The following ST8SIA6 variants were observed in gnomAD, a reference collection of about 807,000 sequenced individuals.
The protein encoded by ST8SIA6 is ST8 alpha-N-acetyl-neuraminide alpha-2,8-sialyltransferase 6, also known as alpha-2,8-sialyltransferase 8F.
A neutral mutation model predicts 33.6 loss-of-function variants in ST8SIA6; 39 were observed. The ratio of observed to expected loss-of-function variants is 1.16; its 90% confidence interval spans 0.90 to 1.52. ST8SIA6 has a LOEUF of 1.52. Among genes scored for constraint, ST8SIA6 ranks in the 40% most tolerant of loss-of-function variants. The pLI is 0.00. For missense variants in ST8SIA6, 441 were observed against 443.8 expected (o/e 0.99, Z 0.06); for synonymous variants, 172 against 167.2 (o/e 1.03, Z -0.22).
intron 3 of ST8SIA6, among the ~76,000 whole-genome samples, chr10:17,377,593 G>A (rs1215360104): frequency 6.6e-6 from 1 of 152,086 alleles, no homozygotes; most frequent in Non-Finnish European, 1.5e-5. Context: ...AAAGAATTAT[G>A]GCACAAAAGA....
chr10:17,444,952 T>A (rs2131742653), intron 2 of ST8SIA6, among the ~76,000 whole-genome samples: 1 of 152,308 alleles, frequency 6.6e-6, no homozygotes. Context: ...ATTCTGAATT[T>A]TTAAAATCAG....
In ST8SIA6 at chr10:17,337,039, G is replaced by C. The variant is rs1015816740; in HGVS notation, c.378-5487C>G. ...TAATCCCGTGTTGGAGGAGGGGCCC[G>C]GTGGGAGGTGACTGGATCATGGGGG... is the stretch of plus-strand genomic sequence containing the variant. On this transcript the variant is annotated intron_variant, in intron 4 of 7. Coordinates refer to ENST00000377602, the MANE Select transcript of ST8SIA6 (RefSeq NM_001004470.3). Among the ~76,000 whole-genome samples, 4 of 152,114 alleles carry C rather than the reference G, an allele frequency of 2.6e-5. No individual in the cohort carries two copies. The South Asian group carries it at 8.3e-4, about 32-fold the overall frequency.
At chr10:17,378,122 G>C (rs1030929760) in intron 3 of ST8SIA6, among the ~76,000 whole-genome samples, 13 of 152,166 alleles carry the variant, frequency 8.5e-5, no homozygotes, top group African/African-American at 3.1e-4. Context: ...AAAGGTCTTA[G>C]CACCAAAAAC....
intron 2 of ST8SIA6, among the ~76,000 whole-genome samples, chr10:17,441,278 T>G (rs1852480352): frequency 6.6e-6 from 1 of 151,138 alleles, no homozygotes; most frequent in African/African-American, 2.4e-5. Flanking sequence ...CTTCTGTGTA[T>G]AGTGTAAGGT....
chr10:17,449,311 G>T (rs75910708), intron 2 of ST8SIA6, among the ~76,000 whole-genome samples: 125 of 152,082 alleles, frequency 8.2e-4, no homozygotes, highest in African/African-American at 2.9e-3. Context: ...TCCAAGAGCT[G>T]GTTATTTAAA....
At chr10:17,359,919 A>G (rs577158532) in intron 3 of ST8SIA6, among the ~76,000 whole-genome samples, 26 of 152,328 alleles carry the variant, frequency 1.7e-4, no homozygotes, top group African/African-American at 6.0e-4. Flanking sequence ...ATATATATTT[A>G]TAGATGTTTT....
intron 2 of ST8SIA6, among the ~76,000 whole-genome samples, chr10:17,420,285 G>A (rs940941394): frequency 3.9e-5 from 6 of 152,228 alleles, no homozygotes; most frequent in Admixed American, 6.5e-5. Flanking sequence ...GGTGGCGGGC[G>A]CCTGTAGTCC....
At chr10:17,325,187 AT>A (rs1434247811) in intron 6 of ST8SIA6, among the ~76,000 whole-genome samples, 4 of 142,098 alleles carry the variant, frequency 2.8e-5, no homozygotes, top group Admixed American at 2.2e-4. Context: ...TAATGTATAC[AT>A]ATTATACGTA....
chr10:17,453,536 G>A (rs1588943042), intron 2 of ST8SIA6, 23 bp downstream of exon 2: 2 of 1,282,000 alleles, frequency 1.6e-6, no homozygotes, highest in Non-Finnish European at 9.9e-7. Flanking sequence ...GCCCCAGTCC[G>A]CCCGCGCTGG....
chr10:17,324,818 C>T (rs866945570), intron 6 of ST8SIA6, among the ~76,000 whole-genome samples: 1 of 144,000 alleles, frequency 6.9e-6, no homozygotes, highest in Non-Finnish European at 1.5e-5. Flanking sequence ...TACATGCATA[C>T]ATATTATAGA....
At chr10:17,414,082 C>T (rs1456777738) in intron 2 of ST8SIA6, among the ~76,000 whole-genome samples, 1 of 152,186 alleles carries the variant, frequency 6.6e-6, no homozygotes, top group Non-Finnish European at 1.5e-5. Flanking sequence ...TTCCCCAACT[C>T]ACACCCTTGA....
chr10:17,366,705 A>G (rs1404342143), intron 3 of ST8SIA6, among the ~76,000 whole-genome samples: 1 of 152,156 alleles, frequency 6.6e-6, no homozygotes, highest in Non-Finnish European at 1.5e-5. Context: ...TGACCCAGAA[A>G]GAGCTGTGAT....
At chr10:17,450,427 ACCT>A (rs1852864997) in intron 2 of ST8SIA6, among the ~76,000 whole-genome samples, 1 of 152,022 alleles carries the variant, frequency 6.6e-6, no homozygotes, top group African/African-American at 2.4e-5. Context: ...TCCCTAATAT[ACCT>A]GAATGTCATC....
intron 3 of ST8SIA6, among the ~76,000 whole-genome samples, chr10:17,385,812 G>T (rs527631074): frequency 6.6e-6 from 1 of 152,126 alleles, no homozygotes; most frequent in Non-Finnish European, 1.5e-5. Context: ...CTACTTAGGG[G>T]AAATGTTGTC....
rs149693659 is a variant in ST8SIA6 at position 17,358,817 on chromosome 10, C to T, written c.377+697G>A. Among the ~76,000 whole-genome samples the T allele has an allele frequency of 5.4e-3, 818 of 152,030 alleles. 3 individuals are homozygous for T. Among genetic ancestry groups the T allele is most frequent in the African/African-American group, 5.1e-3 (211 of 41,474 alleles). Reference sequence around the variant, plus strand: ...GGAGGAGGAAAAAGAAAAGAAGCCCCGCCCCCCAAAAAAACCAGAGCAATC... The same window carrying T: ...GGAGGAGGAAAAAGAAAAGAAGCCCTGCCCCCCAAAAAAACCAGAGCAATC... On this transcript the variant is annotated intron_variant, in intron 4 of 7. Transcript: ENST00000377602.
At chr10:17,444,730 C>T (rs1852640184) in intron 2 of ST8SIA6, among the ~76,000 whole-genome samples, 1 of 152,168 alleles carries the variant, frequency 6.6e-6, no homozygotes, top group African/African-American at 2.4e-5. Context: ...AAATGTCAAC[C>T]TGGGAAGCAA....
intron 2 of ST8SIA6, among the ~76,000 whole-genome samples, chr10:17,417,535 C>T (rs1851642474): frequency 6.6e-6 from 1 of 151,742 alleles, no homozygotes; most frequent in Admixed American, 6.6e-5. Context: ...TTTATTTCGA[C>T]TTCTTTCCTA....
chr10:17,398,605 A>G (rs1366800459), intron 2 of ST8SIA6, among the ~76,000 whole-genome samples: 2 of 152,246 alleles, frequency 1.3e-5, no homozygotes, highest in African/African-American at 2.4e-5. Flanking sequence ...ATGACTATAC[A>G]GGGGCTAAAA....
intron 4 of ST8SIA6, among the ~76,000 whole-genome samples, chr10:17,349,501 A>G (rs189591534): frequency 1.7e-4 from 26 of 152,320 alleles, no homozygotes; most frequent in Admixed American, 1.4e-3. Context: ...GACATATTGA[A>G]TATTCATAAA....
Sources: allele counts gnomAD v4.1 joint callset (sites outside exome capture counted in the v4.1 genomes callset), GRCh38; gene constraint gnomAD v4.1.1; transcripts MANE v1.5; gene names NCBI Gene and HGNC (gene_info 2026-07-23, HGNC 2026-07-21).